Variants in OSBPL10 observed in about 807,000 individuals in gnomAD.
The protein encoded by OSBPL10 is oxysterol-binding protein-related protein 10.
In OSBPL10, 49 loss-of-function variants were observed where a neutral mutation model predicts 81.7. The observed-to-expected ratio is 0.60, with a 90% CI of 0.48 to 0.76. The LOEUF (loss-of-function observed/expected upper bound fraction) is 0.76. OSBPL10 is among the 30% of genes least tolerant of loss of function. The pLI is 0.00. For synonymous variants in OSBPL10, 419 were observed against 383.6 expected, an observed-to-expected ratio of 1.09 and a Z score of -1.08; for missense variants, 923 against 987.8, an observed-to-expected ratio of 0.93 and a Z score of 0.88.
chr3:31,684,405 T>C (rs187028023), intron 7 of OSBPL10, among the ~76,000 whole-genome samples: 41 of 152,310 alleles, frequency 2.7e-4, no homozygotes, highest in Admixed American at 2.2e-3. Flanking sequence ...TCCACTGCCA[T>C]TTCTCCCCTA....
chr3:31,809,781 G>GT (rs553064781), intron 4 of OSBPL10, among the ~76,000 whole-genome samples: 1 of 151,502 alleles, frequency 6.6e-6, no homozygotes, highest in Non-Finnish European at 1.5e-5. Context: ...TAGCACTGCC[G>GT]TATCAGTGGA....
intron 2 of OSBPL10, chr3:31,988,811 G>A: frequency 3.9e-6 from 2 of 507,708 alleles, no homozygotes; most frequent in Non-Finnish European, 7.0e-6. Context: ...GAGTGACCTT[G>A]GAAGTAGGTT....
At chr3:31,702,301 G>C in intron 7 of OSBPL10, 58 bp downstream of exon 7, 1 of 1,578,060 alleles carries the variant, frequency 6.3e-7, no homozygotes, top group Non-Finnish European at 8.7e-7. Flanking sequence ...GAGAAGGCTT[G>C]AGGATAGAGA....
chr3:31,937,760 G>A lies in OSBPL10; in HGVS notation c.281+43139C>T, dbSNP rs147159632. On this transcript the variant is annotated intron_variant, in intron 1 of 11. Transcript: ENST00000396556. ...CTGGAACTCTTGATGGAAGCACATT[G>A]TAGCTTCTCCTTATTGCCCAAAGCT... 4.6e-5 allele frequency among the ~76,000 whole-genome samples: 7 copies of A among 152,226 alleles called. No individual in the cohort carries two copies. In the East Asian group the frequency reaches 1.4e-3, roughly 29 times the overall value.
Position 32,008,445 on chromosome 3 carries a change from G to A in OSBPL10, n.298+38046C>T, listed in dbSNP as rs544212266. On this transcript the variant is annotated intron_variant and non_coding_transcript_variant, in intron 2 of 3. Transcript: ENST00000479173. ...TGGGATTACAGGTGTGAGCCACCGC[G>A]TCCAGCCTGAAATATTTTTCCATCA... 5.9e-5 allele frequency among the ~76,000 whole-genome samples: 9 copies of A among 151,808 alleles called. 1 individual carries two copies. In the South Asian group the frequency reaches 1.0e-3, roughly 18 times the overall value.
intron 8 of OSBPL10, among the ~76,000 whole-genome samples, chr3:31,682,620 A>G (rs189888194): frequency 1.3e-5 from 2 of 152,318 alleles, no homozygotes; most frequent in East Asian, 1.9e-4. Context: ...TGAAAGCTCA[A>G]CTGCCCTCTC....
chr3:31,689,118 GAAA>G, intron 7 of OSBPL10, among the ~76,000 whole-genome samples: 1 of 144,068 alleles, frequency 6.9e-6, no homozygotes, highest in East Asian at 2.0e-4. Context: ...TAACTATGAG[GAAA>G]AAAAAAAAGT....
At position 31,900,440 on chromosome 3, in the gene OSBPL10, G is replaced by A. The variant is rs544964778; in HGVS notation, c.282-20610C>T. The stretch of plus-strand genomic sequence containing the variant: ...TTGGTCCCTTGGCTGTGCCCACTAT[G>A]ACTAATTTCTCACTATTTGTCTCCT... On this transcript the variant is annotated intron_variant, in intron 1 of 11. Coordinates refer to ENST00000396556, the MANE Select transcript of OSBPL10 (RefSeq NM_017784.5). Among the ~76,000 whole-genome samples the A allele has an allele frequency of 3.3e-5, 5 of 152,190 alleles. No homozygotes were observed. The South Asian group carries it at 8.3e-4, about 25-fold the overall frequency.
chr3:31,949,821 TAGAAA>T (rs1397848026), intron 1 of OSBPL10, among the ~76,000 whole-genome samples: 2 of 151,770 alleles, frequency 1.3e-5, no homozygotes, highest in East Asian at 1.9e-4. Flanking sequence ...TTTAGTTAAC[TAGAAA>T]AGAAAATACT....
At position 31,776,966 on chromosome 3, in the gene OSBPL10, T is replaced by A. The variant is rs550945956; in HGVS notation, c.730-28846A>T. ...AATTTCACCTCAATAAAACAATTTT[T>A]AAAAAATGTTTACAAAGAGAAAAAA... On this transcript the variant is annotated intron_variant, in intron 4 of 11. Coordinates refer to ENST00000396556, the MANE Select transcript of OSBPL10 (RefSeq NM_017784.5). Among the ~76,000 whole-genome samples the A allele has an allele frequency of 1.8e-3, 268 of 152,256 alleles. 2 individuals are homozygous for A. The highest frequency in any genetic ancestry group is 6.1e-3 in the African/African-American group (254 of 41,552).
intron 7 of OSBPL10, chr3:31,700,218 T>C (rs1695850877): frequency 1.3e-5 from 2 of 152,216 alleles, no homozygotes; most frequent in East Asian, 1.9e-4. Flanking sequence ...AGAAATGCAA[T>C]GTCTGCTCTT....
At chr3:31,689,842 A>C (rs11916389) in intron 7 of OSBPL10, among the ~76,000 whole-genome samples, 120,927 of 152,064 alleles carry the variant, frequency 0.8, 50,839 homozygotes, top group East Asian at 0.92. Flanking sequence ...TTTTCTTCCC[A>C]GTCTCAGGTA....
At chr3:31,824,500 C>T (rs770895399) in intron 4 of OSBPL10, among the ~76,000 whole-genome samples, 3 of 152,100 alleles carry the variant, frequency 2.0e-5, no homozygotes, top group Non-Finnish European at 4.4e-5. Flanking sequence ...TTCTGCTGAC[C>T]GATGGTTGCT....
chr3:31,891,419 G>A (rs921721243), intron 1 of OSBPL10, among the ~76,000 whole-genome samples: 14 of 152,118 alleles, frequency 9.2e-5, no homozygotes, highest in African/African-American at 2.7e-4. Context: ...TTGTGACCTC[G>A]GGCAAGTTCT....
At position 31,857,906 on chromosome 3, in the gene OSBPL10, G is replaced by A. The variant is rs924112581; in HGVS notation, c.537+18527C>T. On this transcript the variant is annotated intron_variant, in intron 3 of 11. Transcript: ENST00000396556. ...GGGGAGAGAGAGAGAAAGAGAGAGAGAGATACAGAAAAAGTAAGTATGTGT... is the reference window on the plus strand; with the variant it reads ...GGGGAGAGAGAGAGAAAGAGAGAGAAAGATACAGAAAAAGTAAGTATGTGT... Among the ~76,000 whole-genome samples the A allele has an allele frequency of 2.3e-4, 34 of 150,350 alleles. 1 individual carries two copies. Among genetic ancestry groups the A allele is most frequent in the Admixed American group, 1.3e-4 (2 of 15,044 alleles).
chr3:32,037,193 G>A (rs1036058672), intron 2 of OSBPL10, among the ~76,000 whole-genome samples: 4 of 152,226 alleles, frequency 2.6e-5, no homozygotes, highest in Non-Finnish European at 5.9e-5. Context: ...CAGGAACTGC[G>A]GGCTCACTGG....
At chr3:31,966,885 A>T (rs1175833976) in intron 1 of OSBPL10, among the ~76,000 whole-genome samples, 1 of 152,224 alleles carries the variant, frequency 6.6e-6, no homozygotes, top group African/African-American at 2.4e-5. Context: ...TACAAATGAA[A>T]ACCATGACAC....
At chr3:32,014,668 AGAT>A (rs1372774061) in intron 2 of OSBPL10, among the ~76,000 whole-genome samples, 1 of 152,240 alleles carries the variant, frequency 6.6e-6, no homozygotes, top group African/African-American at 2.4e-5. Context: ...CCCTGTTTGC[AGAT>A]GACATGACTG....
intron 7 of OSBPL10, among the ~76,000 whole-genome samples, chr3:31,685,200 C>T (rs947608681): frequency 2.0e-5 from 3 of 152,060 alleles, no homozygotes; most frequent in Admixed American, 6.6e-5. Flanking sequence ...AAACAAATAT[C>T]GGGTATTTTT....
Sources: gnomAD v4.1 joint callset for allele counts (sites outside exome capture counted in the v4.1 genomes callset) on GRCh38, gnomAD v4.1.1 for gene constraint, MANE v1.5 for transcripts, NCBI Gene and HGNC (gene_info 2026-07-23, HGNC 2026-07-21) for gene names.